ERGIC1: variants seen among roughly 807,000 people sequenced by gnomAD.
ERGIC1 encodes the protein endoplasmic reticulum-golgi intermediate compartment 1, also known as endoplasmic reticulum-Golgi intermediate compartment protein 1.
Under a neutral mutation model 38.3 loss-of-function variants are expected in ERGIC1, and 19 were observed. The observed-to-expected ratio is 0.50, with a 90% confidence interval of 0.35 to 0.73. ERGIC1 has a LOEUF of 0.73. Ranked by LOEUF, ERGIC1 falls within the 30% of genes least tolerant of loss-of-function variation. The probability of loss-of-function intolerance (pLI) is 0.01; values close to 1 mark genes in which losing one functional copy is unlikely to be tolerated. For missense variants in ERGIC1, 294 were observed against 389.2 expected (o/e 0.76, Z 2.06); for synonymous variants, 124 against 157.6 (o/e 0.79, Z 1.60).
chr5:172,932,467 T>G lies in ERGIC1; in HGVS notation c.573T>G (p.Ile191Met), dbSNP rs375104012. 4.9e-5 allele frequency: 79 copies of G among 1,614,074 alleles called. No individual in the cohort carries two copies. Among genetic ancestry groups the G allele is most frequent in the Non-Finnish European group, 6.4e-5 (76 of 1,180,046 alleles). The change falls in exon 8 of 10, where the codon ATT (isoleucine) becomes ATG (methionine). Residue 191 changes from isoleucine to methionine, a missense_variant. Physicochemically the swap from Ile to Met is conservative, Grantham distance 10. This residue lies in a region of ERGIC1 where 109 missense variants were observed against 112.7 expected (regional missense o/e 0.97). Coordinates refer to ENST00000393784, the MANE Select transcript of ERGIC1 (RefSeq NM_001031711.3). The stretch of plus-strand genomic sequence containing the variant: ...CCTCCCACGACTACATCCTGAAGAT[T>G]GTGCCCACGGTTTATGAGGACAAGA... ...PLASHDYILKIVPTVYEDKSG... is the reference protein window; with the variant it reads ...PLASHDYILKMVPTVYEDKSG...
In ERGIC1 at chr5:172,879,408, C is replaced by T. The variant is rs540797495; in HGVS notation, c.21-9291C>T. Among the ~76,000 whole-genome samples the T allele has an allele frequency of 1.2e-3, 182 of 152,324 alleles. 1 individual carries two copies. Among genetic ancestry groups the T allele is most frequent in the Middle Eastern group, 3.4e-3 (1 of 294 alleles). ...GACTTTTAGCACCGACCTTCCTGTA[C>T]ATTCTCATGGAATTTGCTGTATCCT... On this transcript the variant is annotated intron_variant, in intron 1 of 9. Transcript: ENST00000393784.
At chr5:172,918,087 G>C (rs1340363904) in intron 5 of ERGIC1, 1 of 152,186 alleles carries the variant, frequency 6.6e-6, no homozygotes, top group African/African-American at 2.4e-5. Context: ...AGCCCAGGGA[G>C]GTAGAGGCTT....
At chr5:172,864,580 A>G (rs768681839) in intron 1 of ERGIC1, among the ~76,000 whole-genome samples, 1 of 150,266 alleles carries the variant, frequency 6.7e-6, no homozygotes, top group Non-Finnish European at 1.5e-5. Context: ...GAGATGGGTC[A>G]AAATGGAAAG....
rs145260090 is a variant in ERGIC1 at position 172,877,359 on chromosome 5, G to A, written c.21-11340G>A. Among the ~76,000 whole-genome samples, 203 of 148,946 alleles carry A rather than the reference G, an allele frequency of 1.4e-3. 1 individual carries two copies. The highest frequency in any genetic ancestry group is 6.9e-3 in the Middle Eastern group (2 of 288). On this transcript the variant is annotated intron_variant, in intron 1 of 9. Coordinates refer to ENST00000393784, the MANE Select transcript of ERGIC1 (RefSeq NM_001031711.3). The stretch of plus-strand genomic sequence containing the variant: ...TTAATTTCCCTCAGCAGTATTTTCA[G>A]TATATGGGTCTTGTACTTTTTTCTC...
At chr5:172,876,207 T>C (rs1266402288) in intron 1 of ERGIC1, among the ~76,000 whole-genome samples, 4 of 152,250 alleles carry the variant, frequency 2.6e-5, no homozygotes, top group Non-Finnish European at 5.9e-5. Context: ...CTGGTCTATC[T>C]GTTAGGAAGT....
chr5:172,899,697 G>A (rs1005764817), intron 3 of ERGIC1, among the ~76,000 whole-genome samples: 2 of 152,140 alleles, frequency 1.3e-5, no homozygotes, highest in Non-Finnish European at 2.9e-5. Flanking sequence ...CTCCACACAT[G>A]GAGGAGCTGA....
rs11955589 is a variant in ERGIC1, at chr5:172,897,770, C to G, written c.155+696C>G. On this transcript the variant is annotated intron_variant, in intron 3 of 9. Transcript: ENST00000393784. Reference sequence around the variant, plus strand: ...GAAACTAATGGGTACAGCTTCCTACCGGAGGGGGCGAGGTTGCTGACATCA... The same window carrying G: ...GAAACTAATGGGTACAGCTTCCTACGGGAGGGGGCGAGGTTGCTGACATCA... 1,865 of 413,548 alleles carry G rather than the reference C, an allele frequency of 4.5e-3. 37 individuals are homozygous for G. Among genetic ancestry groups the G allele is most frequent in the African/African-American group, 0.034 (1,674 of 48,746 alleles). The allele number at this position is 413,548 out of a possible 1,614,324, so 25.6% of individuals were successfully genotyped here. A position where few individuals can be genotyped will look rare whatever the true frequency, so the allele number is the denominator to read the frequency against.
rs544717518 is a variant in ERGIC1 at position 172,918,570 on chromosome 5, A to T, written c.375+3732A>T. Reference sequence around the variant, plus strand: ...AAAAGAACATATGTATAGATATCAAAGAGCAGGGCTGGCGCTACCAGGCTC... The same window carrying T: ...AAAAGAACATATGTATAGATATCAATGAGCAGGGCTGGCGCTACCAGGCTC... On this transcript the variant is annotated intron_variant, in intron 5 of 9. Transcript: ENST00000393784. Among the ~76,000 whole-genome samples, 387 of 152,384 alleles carry T rather than the reference A, an allele frequency of 2.5e-3. 1 individual carries two copies. The highest frequency in any genetic ancestry group is 4.2e-3 in the Non-Finnish European group (286 of 68,038).
chr5:172,881,187 C>T (rs779434553), intron 1 of ERGIC1, among the ~76,000 whole-genome samples: 40 of 151,768 alleles, frequency 2.6e-4, no homozygotes, highest in Non-Finnish European at 4.7e-4. Flanking sequence ...GCGGAGGTTG[C>T]GATGAGCTGA....
At chr5:172,868,606 G>A (rs543297703) in intron 1 of ERGIC1, among the ~76,000 whole-genome samples, 68 of 152,316 alleles carry the variant, frequency 4.5e-4, no homozygotes, top group Middle Eastern at 6.8e-3. Flanking sequence ...AACTGTGTGT[G>A]ATGCTGCAGT....
intron 7 of ERGIC1, among the ~76,000 whole-genome samples, chr5:172,927,728 T>C (rs517339): frequency 0.4 from 60,768 of 151,720 alleles, 12,669 homozygotes; most frequent in African/African-American, 0.49. Flanking sequence ...TACAGGTGCC[T>C]GCCACAATGC....
chr5:172,902,460 T>C (rs1315539472), intron 3 of ERGIC1, among the ~76,000 whole-genome samples: 1 of 152,024 alleles, frequency 6.6e-6, no homozygotes, highest in Non-Finnish European at 1.5e-5. Context: ...GGCGTCTGAG[T>C]GTGGAGTGAC....
chr5:172,873,233 G>C (rs1762061472), intron 1 of ERGIC1, among the ~76,000 whole-genome samples: 1 of 152,232 alleles, frequency 6.6e-6, no homozygotes, highest in South Asian at 2.1e-4. Flanking sequence ...CCCGGTGTGG[G>C]GCCAGGAGGC....
chr5:172,931,469 C>T (rs1763773336), intron 7 of ERGIC1, among the ~76,000 whole-genome samples: 1 of 152,234 alleles, frequency 6.6e-6, no homozygotes, highest in African/African-American at 2.4e-5. Flanking sequence ...GGCTCCATCC[C>T]TGCCTTCAGC....
chr5:172,937,630 A>T (rs1763915738), intron 9 of ERGIC1: 1 of 151,972 alleles, frequency 6.6e-6, no homozygotes, highest in Admixed American at 6.6e-5. Flanking sequence ...TGATGGCGCC[A>T]CTGCCCTCCA....
chr5:172,939,262 C>T (rs971572429), intron 9 of ERGIC1, among the ~76,000 whole-genome samples: 97 of 152,160 alleles, frequency 6.4e-4, no homozygotes, highest in Admixed American at 8.5e-4. Flanking sequence ...GAGCTGTGAC[C>T]GGCTCTAGTG....
intron 5 of ERGIC1, chr5:172,917,164 A>T (rs1176047993): frequency 6.6e-6 from 1 of 152,296 alleles, no homozygotes; most frequent in Non-Finnish European, 1.5e-5. Context: ...CTTTGTCTTG[A>T]CAACCGGGTG....
intron 1 of ERGIC1, among the ~76,000 whole-genome samples, chr5:172,885,099 A>G (rs1404321585): frequency 6.6e-6 from 1 of 151,972 alleles, no homozygotes; most frequent in African/African-American, 2.4e-5. Context: ...TTTTGAAACA[A>G]TGGTTCTTAT....
chr5:172,924,150 C>T, intron 6 of ERGIC1, 41 bp downstream of exon 6: 1 of 1,582,586 alleles, frequency 6.3e-7, no homozygotes, highest in Non-Finnish European at 8.7e-7. Flanking sequence ...CGGGGGTGGG[C>T]CTTCAGGGGC....
Sources: allele counts gnomAD v4.1 joint callset (sites outside exome capture counted in the v4.1 genomes callset), GRCh38; gene constraint gnomAD v4.1.1; regional missense constraint gnomAD v4.1.1; transcripts MANE v1.5; gene names NCBI Gene and HGNC (gene_info 2026-07-23, HGNC 2026-07-21).